The following RELN variants were observed in gnomAD, a reference collection of about 807,000 sequenced individuals.
The protein encoded by RELN is reelin.
In RELN, 108 loss-of-function variants were observed where a neutral mutation model predicts 427.6. The ratio of observed to expected loss-of-function variants is 0.25; its 90% CI spans 0.22 to 0.30. The LOEUF is 0.30. Ranked by LOEUF, RELN falls within the 10% of genes least tolerant of loss-of-function variation. The probability of loss-of-function intolerance (pLI) is 1.00; values close to 1 mark genes in which losing one functional copy is unlikely to be tolerated. For missense variants in RELN, 3,715 were observed against 4,302.8 expected (o/e 0.86, Z 3.82); for synonymous variants, 1,524 against 1,513.4 (o/e 1.01, Z -0.16).
intron 3 of RELN, among the ~76,000 whole-genome samples, chr7:103,829,361 C>T (rs1793220868): frequency 6.6e-6 from 1 of 151,454 alleles, no homozygotes; most frequent in South Asian, 2.1e-4. Context: ...TCCCCCAGGC[C>T]CCTTGGGACT....
At chr7:103,730,338 A>G (rs899906980) in intron 6 of RELN, among the ~76,000 whole-genome samples, 2 of 152,046 alleles carry the variant, frequency 1.3e-5, no homozygotes, top group African/African-American at 4.8e-5. Flanking sequence ...CCCTCCTTCC[A>G]TAGTTTCGCT....
chr7:103,689,932 G>C (rs910888996), intron 10 of RELN, among the ~76,000 whole-genome samples: 1 of 152,104 alleles, frequency 6.6e-6, no homozygotes, highest in African/African-American at 2.4e-5. Context: ...GGGAAGAGAT[G>C]ACTTCGATGG....
At chr7:103,950,360 T>C (rs540761477) in intron 1 of RELN, among the ~76,000 whole-genome samples, 1 of 152,278 alleles carries the variant, frequency 6.6e-6, no homozygotes, top group South Asian at 2.1e-4. Context: ...TATAATTTAA[T>C]GAGATTTTAC....
intron 8 of RELN, among the ~76,000 whole-genome samples, chr7:103,707,261 A>G (rs1834223836): frequency 6.6e-6 from 1 of 152,140 alleles, no homozygotes; most frequent in Non-Finnish European, 1.5e-5. Context: ...ACAAAGATTA[A>G]CCTTCTAAAG....
intron 6 of RELN, among the ~76,000 whole-genome samples, chr7:103,733,605 C>T (rs1387061986): frequency 6.9e-6 from 1 of 144,156 alleles, no homozygotes; most frequent in African/African-American, 2.6e-5. Context: ...GAATACTATG[C>T]AGCCATAAAA....
chr7:103,873,653 C>T (rs1213517419), intron 2 of RELN, among the ~76,000 whole-genome samples: 2 of 134,104 alleles, frequency 1.5e-5, no homozygotes, highest in African/African-American at 5.4e-5. Flanking sequence ...AAGACTAAAC[C>T]AGGAAGAAGT....
chr7:103,616,762 G>A (rs2117302773), intron 20 of RELN, among the ~76,000 whole-genome samples: 1 of 152,180 alleles, frequency 6.6e-6, no homozygotes, highest in East Asian at 1.9e-4. Context: ...AAAATATGGT[G>A]AGACATTTTG....
rs901311465 is a variant in RELN, at chr7:103,939,095, C to T, written c.227-21910G>A. 3.6e-4 allele frequency among the ~76,000 whole-genome samples: 55 copies of T among 152,086 alleles called. 1 individual carries two copies. The highest frequency in any genetic ancestry group is 1.3e-4 in the Non-Finnish European group (9 of 67,984). ...CCAAGTAGCTTGCATTACAGGCACC[C>T]GCCACCACGCCTGGCTAATTTTTTT... On this transcript the variant is annotated intron_variant, in intron 1 of 64. Transcript: ENST00000428762.
rs547554596 is a variant in RELN, at chr7:103,687,727, CA to C, written c.1144-5467del. 4.8e-3 allele frequency among the ~76,000 whole-genome samples: 737 copies of C among 152,074 alleles called. 4 individuals carry two copies. Among genetic ancestry groups the C allele is most frequent in the Admixed American group, 0.014 (218 of 15,252 alleles). The stretch of plus-strand genomic sequence containing the variant: ...TCACCTACTGAATATTGTGTTAACT[CA>C]ATTAGTGATTGAATGTGTCAGCCTC... On this transcript the variant is annotated intron_variant, in intron 10 of 64. Coordinates refer to ENST00000428762, the MANE Select transcript of RELN (RefSeq NM_005045.4).
At chr7:103,528,740 G>A (rs1274089467) in intron 46 of RELN, among the ~76,000 whole-genome samples, 1 of 151,134 alleles carries the variant, frequency 6.6e-6, no homozygotes. Context: ...TGTTGGCCAG[G>A]CTGGTCTTGA....
chr7:103,713,363 G>C (rs1399781319), intron 8 of RELN, among the ~76,000 whole-genome samples: 1 of 152,172 alleles, frequency 6.6e-6, no homozygotes. Flanking sequence ...CTACAAACTA[G>C]AGCAACTCTT....
intron 1 of RELN, among the ~76,000 whole-genome samples, chr7:103,980,114 C>T (rs1796960754): frequency 6.7e-6 from 1 of 149,946 alleles, no homozygotes; most frequent in African/African-American, 2.5e-5. Flanking sequence ...GACGGAAGAT[C>T]ATGCCATTGC....
intron 4 of RELN, among the ~76,000 whole-genome samples, chr7:103,756,244 C>G (rs191684464): frequency 2.0e-3 from 308 of 152,300 alleles, no homozygotes; most frequent in Admixed American, 3.7e-3. Flanking sequence ...ATATACATCA[C>G]AATCAGCAGG....
At chr7:103,742,793 T>G (rs1790702288) in intron 6 of RELN, among the ~76,000 whole-genome samples, 1 of 152,218 alleles carries the variant, frequency 6.6e-6, no homozygotes, top group African/African-American at 2.4e-5. Context: ...CTGACTGGTG[T>G]ACCTGAAGTG....
intron 1 of RELN, among the ~76,000 whole-genome samples, chr7:103,971,253 T>C (rs988762277): frequency 1.3e-5 from 2 of 151,550 alleles, no homozygotes; most frequent in Admixed American, 6.6e-5. Context: ...CACACTGTCA[T>C]GCTCATTCCA....
At chr7:103,750,554 C>T (rs1457451384) in intron 5 of RELN, among the ~76,000 whole-genome samples, 1 of 152,176 alleles carries the variant, frequency 6.6e-6, no homozygotes, top group Non-Finnish European at 1.5e-5. Flanking sequence ...CAGACAGCGT[C>T]AGTGTCTAAT....
intron 19 of RELN, among the ~76,000 whole-genome samples, chr7:103,633,524 G>A (rs748754538): frequency 2.2e-4 from 33 of 150,638 alleles, no homozygotes; most frequent in Admixed American, 1.3e-3. Flanking sequence ...CCATTACCAC[G>A]TTCTCCTTTT....
chr7:103,666,767 G>A (rs556052734), intron 11 of RELN, among the ~76,000 whole-genome samples: 1 of 151,896 alleles, frequency 6.6e-6, no homozygotes, highest in African/African-American at 2.4e-5. Context: ...TGGAATGAAT[G>A]TGAATTTCAC....
intron 20 of RELN, among the ~76,000 whole-genome samples, chr7:103,629,421 G>C (rs1424371494): frequency 5.9e-5 from 9 of 152,164 alleles, no homozygotes; most frequent in Non-Finnish European, 2.9e-5. Context: ...AATAGTGTTT[G>C]ATAACATGGA....
Sources: allele counts gnomAD v4.1 joint callset (sites outside exome capture counted in the v4.1 genomes callset), GRCh38; gene constraint gnomAD v4.1.1; transcripts MANE v1.5; gene names NCBI Gene and HGNC (gene_info 2026-07-23, HGNC 2026-07-21).